ANKRD35: variants seen among roughly 807,000 people sequenced by gnomAD.
ANKRD35 encodes ankyrin repeat domain 35.
In ANKRD35, 102 loss-of-function variants were observed where a neutral mutation model predicts 109.9. The observed-to-expected ratio is 0.93, with a 90% CI of 0.79 to 1.09. The LOEUF (loss-of-function observed/expected upper bound fraction) is 1.09, where lower values mean the gene tolerates loss of function less well. Among genes scored for constraint, ANKRD35 ranks in the 50% least tolerant of loss-of-function variants. ANKRD35 has a pLI of 0.00. For missense variants in ANKRD35, 1,240 were observed against 1,230.1 expected, an observed-to-expected ratio of 1.01 and a Z score of -0.12; for synonymous variants, 515 against 512.4, an observed-to-expected ratio of 1.01 and a Z score of -0.07.
At chr1:145,881,067 C>T (rs1041025646) in intron 1 of ANKRD35, among the ~76,000 whole-genome samples, 1 of 152,188 alleles carries the variant, frequency 6.6e-6, no homozygotes, top group Admixed American at 6.5e-5. Context: ...GGGTGGATCA[C>T]CTGAGGTCAG....
Position 145,876,127 on chromosome 1 carries a change from G to A in ANKRD35, c.560+13C>T, listed in dbSNP as rs781855706. ...GGCATGGGAATTGGGGTGCATAGAC[G>A]AGGGGGGCTCACTTGTCATTCTTGT... is the stretch of plus-strand genomic sequence containing the variant. On this transcript the variant is annotated intron_variant, in intron 7 of 13. Transcript: ENST00000355594. 9.9e-6 allele frequency: 16 copies of A among 1,612,408 alleles called. No individual in the cohort carries two copies. In the African/African-American group the frequency reaches 1.1e-4, roughly 11 times the overall value.
At chr1:145,880,669 G>A (rs1410759560) in intron 1 of ANKRD35, among the ~76,000 whole-genome samples, 1 of 152,164 alleles carries the variant, frequency 6.6e-6, no homozygotes, top group Non-Finnish European at 1.5e-5. Context: ...AGAAAGGGGT[G>A]AAGAAAAATA....
At position 145,876,273 on chromosome 1, in the gene ANKRD35, T is replaced by C. The variant is rs781831990; in HGVS notation, c.454-27A>G. 3.1e-6 allele frequency: 5 copies of C among 1,598,670 alleles called. No homozygotes were observed. The South Asian group carries it at 3.3e-5, about 11-fold the overall frequency. ...TGCACAGATTGTAGGAAGAGGTTCA[T>C]GAGCAGCCAGGGACTGCAGAGGCTT... On this transcript the variant is annotated intron_variant, in intron 6 of 13. Transcript: ENST00000355594.
chr1:145,882,444 C>T (rs1179533785), intron 1 of ANKRD35, among the ~76,000 whole-genome samples: 1 of 148,814 alleles, frequency 6.7e-6, no homozygotes, highest in Non-Finnish European at 1.5e-5. Flanking sequence ...TACAGGCATG[C>T]TCTACCACAC....
Position 145,868,362 on chromosome 1 carries a change from T to C in ANKRD35, c.2826A>G (p.Glu942=). ...TTTCTCCCCGAATTGCTAGAACCTC[T>C]TCTGAAAGCTGCTCCAGCTTCTTCA... ...ELLKKLEQLS[E]EVLAIRGENA... Residue 942 remains glutamate (E), a synonymous_variant, in exon 11 of 14, where the codon GAA becomes GAG. Coordinates refer to ENST00000355594, the MANE Select transcript of ANKRD35 (RefSeq NM_144698.5). 1.9e-6 allele frequency: 3 copies of C among 1,614,228 alleles called. No homozygotes were observed. The highest frequency in any genetic ancestry group is 2.5e-6 in the Non-Finnish European group (3 of 1,180,034).
chr1:145,871,564 T>G (rs1464553255), intron 10 of ANKRD35, among the ~76,000 whole-genome samples: 1 of 152,238 alleles, frequency 6.6e-6, no homozygotes, highest in Non-Finnish European at 1.5e-5. Flanking sequence ...TCGCTGGGTC[T>G]ACTTTTCTTA....
At chr1:145,867,662 T>C (rs923708256) in intron 12 of ANKRD35, among the ~76,000 whole-genome samples, 1 of 152,196 alleles carries the variant, frequency 6.6e-6, no homozygotes, top group Non-Finnish European at 1.5e-5. Context: ...GTAGTTATTA[T>C]TCCTAACAAG....
chr1:145,885,721 G>A lies in ANKRD35; in HGVS notation c.38C>T (p.Ala13Val). 6.2e-7 allele frequency: 1 copy of A among 1,614,070 alleles called. No individual in the cohort carries two copies. The highest frequency in any genetic ancestry group is 8.5e-7 in the Non-Finnish European group (1 of 1,179,980). Residue 13 changes from alanine (A) to valine (V), a missense_variant and splice_region_variant, in exon 1 of 14, where the codon GCG becomes GTG. Coordinates refer to ENST00000355594, the MANE Select transcript of ANKRD35 (RefSeq NM_144698.5). ...CCTCCCACACATTTTGGCACCTACC[G>A]CCACCTGTGTGCTGGAGCAGGAGAA... ...RIFSCSSTQVAVERWNRHDQK... is the reference protein window; with the variant it reads ...RIFSCSSTQVVVERWNRHDQK...
intron 1 of ANKRD35, among the ~76,000 whole-genome samples, chr1:145,880,819 T>C (rs1393867786): frequency 6.6e-6 from 1 of 152,232 alleles, no homozygotes; most frequent in Non-Finnish European, 1.5e-5. Context: ...AATACTCCTG[T>C]ACAGAAGTTG....
intron 10 of ANKRD35, among the ~76,000 whole-genome samples, chr1:145,869,536 T>C (rs970284761): frequency 5.9e-5 from 9 of 151,864 alleles, no homozygotes; most frequent in Non-Finnish European, 1.2e-4. Context: ...AGTGCAGTGA[T>C]GTGATCTCAG....
At position 145,874,149 on chromosome 1, in the gene ANKRD35, T is replaced by C; in HGVS notation, c.783+6A>G. The C allele has an allele frequency of 6.2e-7, 1 of 1,613,992 alleles. No homozygotes were observed. Among genetic ancestry groups the C allele is most frequent in the Non-Finnish European group, 8.5e-7 (1 of 1,179,970 alleles). Reference sequence around the variant, plus strand: ...AAGCAAAAGGGGGAGGCACTTAGGGTCTTACCTGGGATGCGAGATCTGGGT... The same window carrying C: ...AAGCAAAAGGGGGAGGCACTTAGGGCCTTACCTGGGATGCGAGATCTGGGT... On this transcript the variant is annotated splice_donor_region_variant and intron_variant, in intron 9 of 13. Transcript: ENST00000355594.
Position 145,872,067 on chromosome 1 carries a change from C to A in ANKRD35, c.2702G>T (p.Arg901Leu), listed in dbSNP as rs370875034. 1.2e-3 allele frequency: 2,003 copies of A among 1,613,582 alleles called. 32 individuals are homozygous for A. In the South Asian group the frequency reaches 0.021, roughly 17 times the overall value. Reference protein sequence around the residue: ...QERQASEMRGRSEQFEKTAEL... With the variant: ...QERQASEMRGLSEQFEKTAEL... ...TGCCGTTTTCTCAAACTGCTCGGAGCGCCCCCGCATCTCGCTGGCCTGGCG... is the reference window on the plus strand; with the variant it reads ...TGCCGTTTTCTCAAACTGCTCGGAGAGCCCCCGCATCTCGCTGGCCTGGCG... The change falls in exon 10 of 14, where the codon CGC becomes CTC. Residue 901 changes from arginine (R) to leucine (L), a missense_variant. By Grantham distance (102) the Arg-to-Leu change is moderately radical. Coordinates refer to ENST00000355594, the MANE Select transcript of ANKRD35 (RefSeq NM_144698.5).
rs1400165452 is a variant in ANKRD35 at position 145,867,344 on chromosome 1, T to C, written c.2992A>G (p.Met998Val). The C allele has an allele frequency of 9.9e-6, 16 of 1,613,826 alleles. No individual in the cohort carries two copies. Among genetic ancestry groups the C allele is most frequent in the East Asian group, 2.2e-5 (1 of 44,880 alleles). Residue 998 changes from methionine to valine, a missense_variant, in exon 13 of 14, where the codon ATG becomes GTG. Transcript: ENST00000355594. The stretch of plus-strand genomic sequence containing the variant: ...GTGAGGCTGCCTCACTCCTCTTCCA[T>C]GCTAAGGATTTGCAGCAGGATATTG... ...VYNILLQILS[M>V]EEE
chr1:145,874,723 C>CA (rs1191198921), intron 8 of ANKRD35, 99 bp downstream of exon 8: 1 of 1,362,392 alleles, frequency 7.3e-7, no homozygotes, highest in Non-Finnish European at 9.7e-7. Flanking sequence ...ACCCAGGTGA[C>CA]AATTATTTGT....
chr1:145,876,062 C>G, intron 7 of ANKRD35, 78 bp downstream of exon 7: 1 of 1,271,694 alleles, frequency 7.9e-7, no homozygotes, highest in Non-Finnish European at 1.1e-6. Flanking sequence ...CAAACACACA[C>G]ACACACACGT....
chr1:145,877,434 G>C (rs1206324492), intron 4 of ANKRD35, among the ~76,000 whole-genome samples: 2 of 152,020 alleles, frequency 1.3e-5, no homozygotes, highest in Admixed American at 1.3e-4. Flanking sequence ...GGGTTTCACT[G>C]TGTTAGCCAG....
At chr1:145,881,097 C>T (rs1305539760) in intron 1 of ANKRD35, among the ~76,000 whole-genome samples, 2 of 152,126 alleles carry the variant, frequency 1.3e-5, no homozygotes, top group Non-Finnish European at 2.9e-5. Flanking sequence ...ACCAGCTTGG[C>T]CAACATGGTG....
chr1:145,882,324 T>G (rs1473778066), intron 1 of ANKRD35, among the ~76,000 whole-genome samples: 1 of 133,660 alleles, frequency 7.5e-6, no homozygotes, highest in South Asian at 2.4e-4. Context: ...TGAGACAGAG[T>G]CTTGCTTTGT....
chr1:145,882,169 T>C (rs1170383050), intron 1 of ANKRD35, among the ~76,000 whole-genome samples: 2 of 151,894 alleles, frequency 1.3e-5, no homozygotes, highest in Admixed American at 6.6e-5. Context: ...TTAGCCAGGA[T>C]GGTCTCAATC....
Sources: allele counts gnomAD v4.1 joint callset (sites outside exome capture counted in the v4.1 genomes callset), GRCh38; gene constraint gnomAD v4.1.1; transcripts MANE v1.5; gene names NCBI Gene and HGNC (gene_info 2026-07-23, HGNC 2026-07-21).